The following KIF26B variants were observed in gnomAD, a reference collection of about 807,000 sequenced individuals.
The protein encoded by KIF26B is kinesin family member 26B.
Under a neutral mutation model 151.2 loss-of-function variants are expected in KIF26B, and 63 were observed. The ratio of observed to expected loss-of-function variants is 0.42; its 90% CI spans 0.34 to 0.51. The LOEUF is 0.51. Ranked by LOEUF, KIF26B falls within the 20% of genes least tolerant of loss-of-function variation. KIF26B has a pLI of 0.07. For synonymous variants in KIF26B, 1,357 were observed against 1,262.1 expected, an observed-to-expected ratio of 1.08 and a Z score of -1.59; for missense variants, 2,813 against 2,913.6, an observed-to-expected ratio of 0.97 and a Z score of 0.79.
At chr1:245,521,882 T>G (rs908688026) in intron 4 of KIF26B, among the ~76,000 whole-genome samples, 7 of 151,468 alleles carry the variant, frequency 4.6e-5, no homozygotes, top group Admixed American at 2.6e-4. Flanking sequence ...TTTTTTTGTT[T>G]TGAGATGGAG....
chr1:245,644,575 T>C (rs2043926816), intron 9 of KIF26B, among the ~76,000 whole-genome samples: 1 of 152,172 alleles, frequency 6.6e-6, no homozygotes, highest in African/African-American at 2.4e-5. Flanking sequence ...GTTTGATCAT[T>C]TTTTTGTTTT....
At chr1:245,179,285 G>A (rs1019305856) in intron 2 of KIF26B, among the ~76,000 whole-genome samples, 1 of 152,062 alleles carries the variant, frequency 6.6e-6, no homozygotes. Flanking sequence ...CATTTATCAG[G>A]CTCCCAATAT....
chr1:245,527,385 A>G (rs910899261), intron 4 of KIF26B, among the ~76,000 whole-genome samples: 17 of 152,154 alleles, frequency 1.1e-4, no homozygotes, highest in African/African-American at 3.9e-4. Context: ...ATTTATAGGC[A>G]ACCGAAATAG....
intron 12 of KIF26B, among the ~76,000 whole-genome samples, chr1:245,690,491 C>T (rs1044646452): frequency 8.5e-5 from 13 of 152,230 alleles, no homozygotes; most frequent in African/African-American, 1.7e-4. Flanking sequence ...CCACCACAGG[C>T]GAGCACAAAC....
At chr1:245,325,166 T>C (rs539257345) in intron 2 of KIF26B, among the ~76,000 whole-genome samples, 8 of 151,236 alleles carry the variant, frequency 5.3e-5, no homozygotes, top group African/African-American at 9.7e-5. Flanking sequence ...CTTACACACA[T>C]ACCCAGAGTG....
Position 245,702,116 on chromosome 1 carries a change from CTTGA to C in KIF26B, c.6179-332_6179-329del, listed in dbSNP as rs4021906. Among the ~76,000 whole-genome samples, 46,994 of 151,952 alleles carry C rather than the reference CTTGA, an allele frequency of 0.31. 8,905 individuals are homozygous for C. The highest frequency in any genetic ancestry group is 0.44 in the Middle Eastern group (129 of 292). On this transcript the variant is annotated intron_variant, in intron 14 of 14. Coordinates refer to ENST00000407071, the MANE Select transcript of KIF26B (RefSeq NM_018012.4). This position sits in a 1 kb window ranked among gnomAD's most constrained non-coding sequence, Gnocchi z 4.1. ...TCCCCACCTCAACTTGAATTATTTA[CTTGA>C]TTGATTGATAGTGAATAGTGTGGTA...
At chr1:245,657,024 C>T (rs905939523) in intron 10 of KIF26B, among the ~76,000 whole-genome samples, 1 of 152,088 alleles carries the variant, frequency 6.6e-6, no homozygotes, top group African/African-American at 2.4e-5. Flanking sequence ...GAGGAATAGT[C>T]GGCTTTTAAG....
At chr1:245,204,263 C>T (rs1411815161) in intron 2 of KIF26B, among the ~76,000 whole-genome samples, 1 of 152,188 alleles carries the variant, frequency 6.6e-6, no homozygotes, top group Non-Finnish European at 1.5e-5. Flanking sequence ...GGTAATAATT[C>T]ATACAGGAGA....
intron 10 of KIF26B, among the ~76,000 whole-genome samples, chr1:245,668,150 C>T (rs1299744726): frequency 3.8e-4 from 58 of 152,216 alleles, no homozygotes; most frequent in Admixed American, 3.8e-3. Context: ...CCTGCCTCGG[C>T]CTCCCAAAGT....
At chr1:245,507,126 A>G (rs1284971606) in intron 4 of KIF26B, among the ~76,000 whole-genome samples, 1 of 152,094 alleles carries the variant, frequency 6.6e-6, no homozygotes, top group Non-Finnish European at 1.5e-5. Flanking sequence ...GCTGCCCAAC[A>G]TTTTGGTGAG....
chr1:245,323,646 T>G lies in KIF26B; in HGVS notation c.466-43188T>G, dbSNP rs556050841. Among the ~76,000 whole-genome samples, 347 of 152,306 alleles carry G rather than the reference T, an allele frequency of 2.3e-3. 1 individual carries two copies. The highest frequency in any genetic ancestry group is 8.1e-3 in the African/African-American group (338 of 41,576). On this transcript the variant is annotated intron_variant, in intron 2 of 14. Transcript: ENST00000407071. ...AGTCCACCGGAAAGTGCCACTCCAATTTTTAGTTAAGAAAGGCTCTGAAAA... is the reference window on the plus strand; with the variant it reads ...AGTCCACCGGAAAGTGCCACTCCAAGTTTTAGTTAAGAAAGGCTCTGAAAA...
At chr1:245,366,720 A>G in intron 2 of KIF26B, 114 bp from the exon 3 acceptor site, 3 of 987,764 alleles carry the variant, frequency 3.0e-6, no homozygotes, top group Non-Finnish European at 4.5e-6. Flanking sequence ...TGCCAATCAA[A>G]CTATCCAACT....
In KIF26B at chr1:245,688,512, C is replaced by T. The variant is rs1179504046; in HGVS notation, c.5529C>T (p.Ala1843=). ...CCCTGGCCGAGGACGAGCCCGCGGCCGCGCACCTGCTCCCGTCGCCCTACA... is the reference window on the plus strand; with the variant it reads ...CCCTGGCCGAGGACGAGCCCGCGGCTGCGCACCTGCTCCCGTCGCCCTACA... The part of the protein sequence containing the change: ...GGALAEDEPA[A]AHLLPSPYSK... Residue 1843 remains alanine, a synonymous_variant, in exon 12 of 15, where the codon GCC becomes GCT. Coordinates refer to ENST00000407071, the MANE Select transcript of KIF26B (RefSeq NM_018012.4). 9.3e-6 allele frequency: 14 copies of T among 1,503,964 alleles called. No individual in the cohort carries two copies. The highest frequency in any genetic ancestry group is 4.4e-5 in the African/African-American group (3 of 68,876). 93.2% of individuals were successfully genotyped at this position (1,503,964 alleles called of 1,614,324 possible). A position where few individuals can be genotyped will look rare whatever the true frequency, so the allele number is the denominator to read the frequency against.
intron 4 of KIF26B, among the ~76,000 whole-genome samples, chr1:245,439,737 G>A (rs1331087873): frequency 1.3e-5 from 2 of 152,156 alleles, no homozygotes; most frequent in African/African-American, 4.8e-5. Context: ...TGATAGACTT[G>A]GAGAAACTGT....
At chr1:245,469,482 T>C (rs1178675788) in intron 4 of KIF26B, among the ~76,000 whole-genome samples, 1 of 152,206 alleles carries the variant, frequency 6.6e-6, no homozygotes, top group African/African-American at 2.4e-5. Flanking sequence ...GTCAGGCATA[T>C]AGTATGTATT....
Position 245,689,561 on chromosome 1 carries a change from C to CT in KIF26B, c.5824+761dup, listed in dbSNP as rs568134575. Among the ~76,000 whole-genome samples, 23 of 152,284 alleles carry CT rather than the reference C, an allele frequency of 1.5e-4. No homozygotes were observed. The East Asian group carries it at 3.9e-3, about 26-fold the overall frequency. On this transcript the variant is annotated intron_variant, in intron 12 of 14. Transcript: ENST00000407071. ...ATTTTGGAGAAAGTCTTTGCCATTT[C>CT]TTTTTTTCCTTTTTTTGAGACAGTC...
rs554518798 is a variant in KIF26B, at chr1:245,287,069, A to G, written c.466-79765A>G. Among the ~76,000 whole-genome samples, 8 of 152,312 alleles carry G rather than the reference A, an allele frequency of 5.3e-5. No homozygotes were observed. The East Asian group carries it at 9.6e-4, about 18-fold the overall frequency. ...GGTTGCAGTGAGCCGAGATCTTGCC[A>G]CTGCACTCCAGCCTGGGCAACACAG... On this transcript the variant is annotated intron_variant, in intron 2 of 14. Coordinates refer to ENST00000407071, the MANE Select transcript of KIF26B (RefSeq NM_018012.4).
chr1:245,570,720 G>A (rs1168997573), intron 5 of KIF26B, among the ~76,000 whole-genome samples: 3 of 152,184 alleles, frequency 2.0e-5, no homozygotes, highest in Non-Finnish European at 2.9e-5. Flanking sequence ...GTGGACCTCT[G>A]TGGATGGTAG....
chr1:245,184,047 G>GCTGTTTT (rs1668952514), intron 2 of KIF26B, among the ~76,000 whole-genome samples: 2 of 9,252 alleles, frequency 2.2e-4, no homozygotes, highest in Admixed American at 1.9e-3. Flanking sequence ...GGTGGGAGTT[G>GCTGTTTT]TTGTTTTTTT....
Sources: allele counts gnomAD v4.1 joint callset (sites outside exome capture counted in the v4.1 genomes callset), GRCh38; gene constraint gnomAD v4.1.1; non-coding constraint Gnocchi (gnomAD v3.1); transcripts MANE v1.5; gene names NCBI Gene and HGNC (gene_info 2026-07-23, HGNC 2026-07-21).